Variants in POLDIP3 observed in about 807,000 individuals in gnomAD.
The protein encoded by POLDIP3 is polymerase delta-interacting protein 3.
POLDIP3 carries 14 observed loss-of-function variants against 45.1 expected under a neutral mutation model. The observed-to-expected ratio is 0.31, with a 90% CI of 0.20 to 0.49. The LOEUF is 0.49. Ranked by LOEUF, POLDIP3 falls within the 20% of genes least tolerant of loss-of-function variation. POLDIP3 has a pLI of 0.99. For synonymous variants in POLDIP3, 223 were observed against 205.2 expected (o/e 1.09, Z -0.74); for missense variants, 511 against 538.8 (o/e 0.95, Z 0.51).
intron 1 of POLDIP3, among the ~76,000 whole-genome samples, chr22:42,613,571 C>T (rs1927262088): frequency 1.3e-5 from 2 of 152,088 alleles, no homozygotes; most frequent in South Asian, 4.2e-4. Flanking sequence ...ACCAGCCTGA[C>T]CAACACAGTG....
At chr22:42,597,980 T>C (rs371278174) in intron 4 of POLDIP3, among the ~76,000 whole-genome samples, 22 of 151,958 alleles carry the variant, frequency 1.4e-4, no homozygotes, top group East Asian at 9.7e-4. Flanking sequence ...GATTTCACCA[T>C]GTTGCCAAGC....
chr22:42,608,793 T>A (rs1926937830), intron 1 of POLDIP3, among the ~76,000 whole-genome samples: 1 of 151,804 alleles, frequency 6.6e-6, no homozygotes, highest in Non-Finnish European at 1.5e-5. Context: ...GGGGTGGGAG[T>A]TAACGGTAGT....
chr22:42,614,835 T>A lies in POLDIP3; in HGVS notation c.23A>T (p.Glu8Val). MADISLD[E>V]LIRKRGAAAK... Reference sequence around the variant, plus strand: ...CGCCGCCCCGCGCTTCCTGATGAGTTCGTCCAGGGAGATGTCCGCCATCTT... The same window carrying A: ...CGCCGCCCCGCGCTTCCTGATGAGTACGTCCAGGGAGATGTCCGCCATCTT... Residue 8 changes from glutamate (E) to valine (V), a missense_variant, in exon 1 of 9, where the codon GAA (glutamate) becomes GTA (valine). Glu to Val is a moderately radical substitution (Grantham distance 121). Around this residue, in one of 4 missense-constraint regions of POLDIP3, gnomAD observed 378 missense variants for 352.3 expected, o/e 1.07. Coordinates refer to ENST00000252115, the MANE Select transcript of POLDIP3 (RefSeq NM_032311.5). 1 of 1,614,030 alleles carries A rather than the reference T, an allele frequency of 6.2e-7. No homozygotes were observed. Among genetic ancestry groups the A allele is most frequent in the Non-Finnish European group, 8.5e-7 (1 of 1,179,950 alleles).
At chr22:42,614,699 G>T in intron 1 of POLDIP3, 100 bp downstream of exon 1, 1 of 1,332,880 alleles carries the variant, frequency 7.5e-7, no homozygotes, top group Non-Finnish European at 1.1e-6. Context: ...GGGGGCGGGC[G>T]CACCCGGTCC....
At chr22:42,610,793 C>A (rs1927072571) in intron 1 of POLDIP3, among the ~76,000 whole-genome samples, 1 of 152,188 alleles carries the variant, frequency 6.6e-6, no homozygotes, top group Non-Finnish European at 1.5e-5. Context: ...GTGGTCCCAG[C>A]TACCTGGTAG....
At chr22:42,606,879 T>C (rs1926762480) in intron 1 of POLDIP3, among the ~76,000 whole-genome samples, 1 of 152,228 alleles carries the variant, frequency 6.6e-6, no homozygotes, top group African/African-American at 2.4e-5. Context: ...GGAATGGACT[T>C]GAACTTCACT....
rs1569302755 is a variant in POLDIP3, at chr22:42,603,097, G to A, written c.123C>T (p.Leu41=). The change falls in exon 2 of 9, where the codon CTC becomes CTT. Residue 41 remains leucine (L), a synonymous_variant. Transcript: ENST00000252115. ...AGGTGGCTGTGCGTGTTGACTGGCT[G>A]AGAAGGCCTTGCTGGATCCCAACTC... The part of the protein sequence containing the change: ...RSRVGIQQGL[L]SQSTRTATFQ... The A allele has an allele frequency of 2.5e-6, 4 of 1,614,184 alleles. No individual in the cohort carries two copies. The highest frequency in any genetic ancestry group is 8.5e-7 in the Non-Finnish European group (1 of 1,180,044).
intron 8 of POLDIP3, 100 bp from the exon 9 acceptor site, chr22:42,586,068 G>T: frequency 8.9e-7 from 1 of 1,123,348 alleles, no homozygotes; most frequent in Non-Finnish European, 1.2e-6. Flanking sequence ...CTAGGCACTG[G>T]GTGTAACACT....
intron 1 of POLDIP3, among the ~76,000 whole-genome samples, chr22:42,608,869 C>T (rs1926942291): frequency 6.6e-6 from 1 of 152,210 alleles, no homozygotes; most frequent in African/African-American, 2.4e-5. Flanking sequence ...CTGATGCACT[C>T]AGTTCCCTGG....
In POLDIP3 at chr22:42,603,224, G is replaced by A. The variant is rs1024003208; in HGVS notation, c.60-64C>T. 1.3e-5 allele frequency: 20 copies of A among 1,545,962 alleles called. No individual in the cohort carries two copies. The South Asian group carries it at 1.3e-4, about 10-fold the overall frequency. On this transcript the variant is annotated intron_variant, in intron 1 of 8. Transcript: ENST00000252115. ...GGTATCTACAGCAGTCTATGAAAGC[G>A]GAACTGTGGTAACACTGGGGACAGA...
chr22:42,594,255 C>T (rs1925847612), intron 6 of POLDIP3, among the ~76,000 whole-genome samples: 1 of 151,928 alleles, frequency 6.6e-6, no homozygotes, highest in African/African-American at 2.4e-5. Flanking sequence ...GAGCAAGACT[C>T]CATCTTTAAA....
In POLDIP3 at chr22:42,585,827, C is replaced by T. The variant is rs754399795; in HGVS notation, c.1230G>A (p.Val410=). The change falls in exon 9 of 9, where the codon GTG becomes GTA. Residue 410 remains valine, a synonymous_variant. Transcript: ENST00000252115. ...KALFKSSGAS[V]TTQPTEFKIK... is the part of the protein sequence containing the mutation. ...TTTTGAATTCTGTGGGCTGCGTGGTCACAGAGGCCCCTGAGGACTTGAAGA... is the reference window on the plus strand; with the variant it reads ...TTTTGAATTCTGTGGGCTGCGTGGTTACAGAGGCCCCTGAGGACTTGAAGA... 1 of 1,612,774 alleles carries T rather than the reference C, an allele frequency of 6.2e-7. No individual in the cohort carries two copies. Among genetic ancestry groups the T allele is most frequent in the South Asian group, 1.1e-5 (1 of 91,006 alleles).
At chr22:42,591,683 C>T (rs1925676021) in intron 7 of POLDIP3, among the ~76,000 whole-genome samples, 1 of 152,212 alleles carries the variant, frequency 6.6e-6, no homozygotes, top group South Asian at 2.1e-4. Context: ...CCTCTTGGCT[C>T]CCCTGGCAAG....
At chr22:42,601,578 T>A (rs1470801102) in intron 3 of POLDIP3, among the ~76,000 whole-genome samples, 1 of 151,484 alleles carries the variant, frequency 6.6e-6, no homozygotes, top group Non-Finnish European at 1.5e-5. Flanking sequence ...CTAGCCAACA[T>A]GGTGAAACCC....
chr22:42,600,288 T>C (rs1447741689), intron 3 of POLDIP3, among the ~76,000 whole-genome samples: 1 of 152,146 alleles, frequency 6.6e-6, no homozygotes, highest in Non-Finnish European at 1.5e-5. Flanking sequence ...CACAGAGAAA[T>C]GCTTGAGTTA....
chr22:42,592,427 A>C (rs550020275), intron 6 of POLDIP3, among the ~76,000 whole-genome samples: 89 of 152,394 alleles, frequency 5.8e-4, no homozygotes, highest in African/African-American at 2.0e-3. Context: ...ACATGTATAC[A>C]AAGAAAGACA....
At chr22:42,586,973 T>C (rs1410150774) in intron 8 of POLDIP3, among the ~76,000 whole-genome samples, 1 of 152,140 alleles carries the variant, frequency 6.6e-6, no homozygotes, top group Non-Finnish European at 1.5e-5. Context: ...CTGGGCGTGA[T>C]GGTGTGCGCC....
intron 1 of POLDIP3, among the ~76,000 whole-genome samples, chr22:42,610,145 G>A (rs1927033831): frequency 6.6e-6 from 1 of 152,186 alleles, no homozygotes; most frequent in Admixed American, 6.5e-5. Context: ...TTGCACTCCA[G>A]CCTGGGCAGC....
In POLDIP3 at chr22:42,585,743, C is replaced by CA. The variant is rs1925264516; in HGVS notation, c.*47dup. The CA allele has an allele frequency of 1.9e-6, 3 of 1,570,454 alleles. No homozygotes were observed. In the East Asian group the frequency reaches 6.8e-5, roughly 35 times the overall value. The stretch of plus-strand genomic sequence containing the variant: ...GGTCATAAGCTTTGCCTTGGGGAAA[C>CA]AGAGCCACCCTCCTCTGCCCCCACT... On this transcript the variant is annotated 3_prime_UTR_variant, in exon 9 of 9. Coordinates refer to ENST00000252115, the MANE Select transcript of POLDIP3 (RefSeq NM_032311.5).
Sources: gnomAD v4.1 joint callset for allele counts (sites outside exome capture counted in the v4.1 genomes callset) on GRCh38, gnomAD v4.1.1 for gene constraint, gnomAD v4.1.1 regional missense constraint, MANE v1.5 for transcripts, NCBI Gene and HGNC (gene_info 2026-07-23, HGNC 2026-07-21) for gene names.